Variants in TTC39A observed in about 807,000 individuals in gnomAD.
The protein encoded by TTC39A is tetratricopeptide repeat protein 39A.
A neutral mutation model predicts 82.3 loss-of-function variants in TTC39A; 46 were observed. That is an observed-to-expected ratio of 0.56 (90% CI 0.44 to 0.71). The LOEUF is 0.71. TTC39A is among the 30% of genes least tolerant of loss of function. TTC39A has a pLI of 0.00. For missense variants in TTC39A, 543 were observed against 712.9 expected (o/e 0.76, Z 2.71); for synonymous variants, 254 against 275.2 (o/e 0.92, Z 0.76).
intron 1 of TTC39A, among the ~76,000 whole-genome samples, chr1:51,323,912 G>A (rs1294856039): frequency 6.6e-6 from 1 of 152,078 alleles, no homozygotes; most frequent in Non-Finnish European, 1.5e-5. Flanking sequence ...GCTCACAGTG[G>A]CTTATTTCCT....
intron 16 of TTC39A, among the ~76,000 whole-genome samples, chr1:51,289,372 CATT>C (rs1351708073): frequency 2.0e-5 from 3 of 152,124 alleles, no homozygotes; most frequent in Non-Finnish European, 4.4e-5. Context: ...AGGCCCTTCT[CATT>C]CTATCCCTCC....
intron 16 of TTC39A, among the ~76,000 whole-genome samples, chr1:51,289,344 C>T (rs1177717858): frequency 6.6e-6 from 1 of 152,210 alleles, no homozygotes; most frequent in East Asian, 1.9e-4. Flanking sequence ...ACAATTTAGC[C>T]TTGTGAACAA....
Position 51,345,000 on chromosome 1 carries a change from C to CT in TTC39A, c.43dup (p.Ser15LysfsTer7). On this transcript the variant is annotated frameshift_variant, in exon 1 of 6. Coordinates refer to the TTC39A transcript ENST00000401051. LOFTEE classifies it high-confidence loss of function. ...CACCCCTGCCCGGTACCTGCGGTCG[C>CT]TTTTCCCGGAGGCCGCCTCCTTCCA... 1.3e-6 allele frequency: 2 copies of CT among 1,524,422 alleles called. No individual in the cohort carries two copies. Among genetic ancestry groups the CT allele is most frequent in the African/African-American group, 1.4e-5 (1 of 70,062 alleles). The allele number at this position is 1,524,422 out of a possible 1,614,324, so 94.4% of individuals were successfully genotyped here. A position where few individuals can be genotyped will look rare whatever the true frequency, so the allele number is the denominator to read the frequency against.
chr1:51,308,342 C>T (rs1432751355), intron 6 of TTC39A, among the ~76,000 whole-genome samples: 2 of 151,812 alleles, frequency 1.3e-5, no homozygotes, highest in African/African-American at 2.4e-5. Context: ...CTGGTTCAAG[C>T]GATTCTCCTG....
intron 1 of TTC39A, among the ~76,000 whole-genome samples, chr1:51,338,575 A>G (rs1465968391): frequency 1.3e-5 from 2 of 148,730 alleles, no homozygotes; most frequent in Non-Finnish European, 3.0e-5. Context: ...ACCCGAGTGC[A>G]GCGCTGTCGA....
intron 5 of TTC39A, among the ~76,000 whole-genome samples, 185 bp downstream of exon 5, chr1:51,311,069 C>T (rs1270398014): frequency 6.6e-6 from 1 of 152,248 alleles, no homozygotes; most frequent in Admixed American, 6.5e-5. Context: ...GGAGATGATG[C>T]CCATCACTTC....
intron 16 of TTC39A, 93 bp from the exon 17 acceptor site, chr1:51,289,048 G>C: frequency 8.6e-7 from 1 of 1,162,592 alleles, no homozygotes; most frequent in Non-Finnish European, 1.2e-6. Flanking sequence ...AATTTTGGGA[G>C]GTTCCCACTA....
intron 5 of TTC39A, 138 bp from the exon 6 acceptor site, chr1:51,309,463 A>C: frequency 6.6e-7 from 1 of 1,510,970 alleles, no homozygotes; most frequent in Non-Finnish European, 8.9e-7. Flanking sequence ...CAGCCAAACC[A>C]GGCCTCCCTG....
upstream of TTC39A, chr1:51,330,994 C>G (rs1645897702): frequency 5.9e-6 from 4 of 680,314 alleles, no homozygotes; most frequent in South Asian, 6.6e-5. This position sits in a 1 kb window ranked among gnomAD's most constrained non-coding sequence, Gnocchi z 4.5. Context: ...ATCTCGCCCA[C>G]TGAGTGACTG....
intron 1 of TTC39A, among the ~76,000 whole-genome samples, chr1:51,342,479 TC>T (rs1646048806): frequency 1.3e-5 from 2 of 152,100 alleles, no homozygotes; most frequent in Non-Finnish European, 2.9e-5. Flanking sequence ...AAACAATGAA[TC>T]AATGTCAAAG....
chr1:51,293,034 C>T (rs943482260), intron 14 of TTC39A, among the ~76,000 whole-genome samples: 23 of 151,918 alleles, frequency 1.5e-4, no homozygotes, highest in Non-Finnish European at 3.1e-4. Flanking sequence ...ACAATATCCT[C>T]CTGCTCCACT....
At chr1:51,307,731 T>C (rs1644925007) in intron 6 of TTC39A, among the ~76,000 whole-genome samples, 1 of 127,016 alleles carries the variant, frequency 7.9e-6, no homozygotes, top group African/African-American at 3.3e-5. Flanking sequence ...CAAGACTCTG[T>C]CTCAAAAAAA....
chr1:51,320,383 TTTC>T (rs1287568552), intron 2 of TTC39A, among the ~76,000 whole-genome samples: 2 of 151,420 alleles, frequency 1.3e-5, no homozygotes, highest in African/African-American at 4.9e-5. Flanking sequence ...TGATTCTTTC[TTTC>T]TTTTCTTTTC....
chr1:51,327,502 A>G, intron 1 of TTC39A, among the ~76,000 whole-genome samples: 1 of 152,124 alleles, frequency 6.6e-6, no homozygotes, highest in Non-Finnish European at 1.5e-5. Flanking sequence ...CCTAGACTCA[A>G]GCTGCAGCTA....
chr1:51,301,763 G>T, intron 11 of TTC39A, 30 bp from the exon 12 acceptor site: 1 of 1,590,536 alleles, frequency 6.3e-7, no homozygotes, highest in Non-Finnish European at 8.6e-7. Context: ...AGCCTGACGG[G>T]TGCCCACCCA....
At chr1:51,296,692 C>A in intron 12 of TTC39A, 1 of 185,608 alleles carries the variant, frequency 5.4e-6, no homozygotes, top group Non-Finnish European at 1.2e-5. Context: ...TCGGGCCACC[C>A]TGGTAGAACT....
chr1:51,333,203 A>G (rs2148316785), upstream of TTC39A, among the ~76,000 whole-genome samples: 1 of 147,430 alleles, frequency 6.8e-6, no homozygotes, highest in South Asian at 2.2e-4. Context: ...ACAAGAGCAA[A>G]ACTCCATCGC....
chr1:51,291,821 A>AAT (rs747502277), intron 14 of TTC39A, among the ~76,000 whole-genome samples: 9 of 151,140 alleles, frequency 6.0e-5, no homozygotes, highest in African/African-American at 2.2e-4. Context: ...AAAAAAAAAA[A>AAT]TTCTTTTCAC....
rs1569835601 is a variant in TTC39A, at chr1:51,302,010, G to C, written c.892-277C>G. 7 of 678,440 alleles carry C rather than the reference G, an allele frequency of 1.0e-5. No homozygotes were observed. In the East Asian group the frequency reaches 1.6e-4, roughly 16 times the overall value. The allele number at this position is 678,440 out of a possible 1,614,324, so 42.0% of individuals were successfully genotyped here. ...GAAAGAGCAGGAGAGAGCTATAATGGAGGGGAGGTACCAGACTCCAGCCTA... is the reference window on the plus strand; with the variant it reads ...GAAAGAGCAGGAGAGAGCTATAATGCAGGGGAGGTACCAGACTCCAGCCTA... On this transcript the variant is annotated intron_variant, in intron 11 of 17. Coordinates refer to ENST00000680483, the MANE Select transcript of TTC39A (RefSeq NM_001297663.2).
Sources: gnomAD v4.1 joint callset for allele counts (sites outside exome capture counted in the v4.1 genomes callset) on GRCh38, gnomAD v4.1.1 for gene constraint, Gnocchi (gnomAD v3.1) non-coding constraint, MANE v1.5 for transcripts, NCBI Gene and HGNC (gene_info 2026-07-23, HGNC 2026-07-21) for gene names.